PCDH11X: variants seen among roughly 807,000 people sequenced by gnomAD.
The protein encoded by PCDH11X is protocadherin-11 X-linked.
Under a neutral mutation model 53.3 loss-of-function variants are expected in PCDH11X, and 18 were observed. The observed-to-expected ratio is 0.34, with a 90% CI of 0.23 to 0.50. PCDH11X has a LOEUF of 0.50. Ranked by LOEUF, PCDH11X falls within the 20% of genes least tolerant of loss-of-function variation. The pLI, the probability that PCDH11X is intolerant of heterozygous loss-of-function variation, is 0.98. For synonymous variants in PCDH11X, 279 were observed against 393.3 expected (o/e 0.71, Z 3.44); for missense variants, 570 against 1,032.4 (o/e 0.55, Z 6.14).
At chrX:92,271,164 C>A (rs1265667514) in intron 8 of PCDH11X, among the ~76,000 whole-genome samples, 1 of 112,241 alleles carries the variant, frequency 8.9e-6, no homozygotes, top group Non-Finnish European at 1.9e-5. Context: ...TTCTCTTTTT[C>A]TTCCTGGTGC....
intron 6 of PCDH11X, among the ~76,000 whole-genome samples, chrX:92,192,141 G>T (rs1486787523): frequency 9.0e-6 from 1 of 110,888 alleles, no homozygotes; most frequent in East Asian, 2.8e-4. Context: ...TGAGCTTAAT[G>T]TTCTAATATT....
intron 6 of PCDH11X, among the ~76,000 whole-genome samples, chrX:92,064,937 A>G (rs1303821145): frequency 9.6e-6 from 1 of 104,178 alleles, no homozygotes; most frequent in Non-Finnish European, 1.9e-5. Flanking sequence ...CATCAGGGAC[A>G]TTGGGGGTGC....
At chrX:92,600,389 G>A (rs1926097706) in intron 10 of PCDH11X, among the ~76,000 whole-genome samples, 1 of 110,925 alleles carries the variant, frequency 9.0e-6, no homozygotes, top group African/African-American at 3.3e-5. Flanking sequence ...TTGGGACCTG[G>A]TGCCCTGCAT....
chrX:92,254,348 T>A (rs180997983), intron 7 of PCDH11X, among the ~76,000 whole-genome samples: 1 of 111,005 alleles, frequency 9.0e-6, no homozygotes, highest in East Asian at 2.9e-4. Flanking sequence ...GCACGTGAGA[T>A]GGGTTTCCTG....
intron 6 of PCDH11X, among the ~76,000 whole-genome samples, chrX:92,066,863 G>A (rs34235086): frequency 1.8e-5 from 2 of 112,213 alleles, no homozygotes; most frequent in East Asian, 2.8e-4. Context: ...CAGCACTTTG[G>A]GAGGCCAAGG....
At chrX:92,113,091 AT>A (rs199684013) in intron 6 of PCDH11X, among the ~76,000 whole-genome samples, 3,153 of 96,002 alleles carry the variant, frequency 0.033, 260 homozygotes, top group African/African-American at 0.11. Context: ...CTTTTTATCT[AT>A]TTTTTTTTTT....
intron 5 of PCDH11X, among the ~76,000 whole-genome samples, chrX:91,873,357 T>G (rs1011489336): frequency 1.8e-5 from 2 of 109,461 alleles, no homozygotes; most frequent in African/African-American, 6.6e-5. Flanking sequence ...TAAATTAATC[T>G]AATTCATTTA....
intron 8 of PCDH11X, among the ~76,000 whole-genome samples, chrX:92,305,223 G>T (rs2068799664): frequency 9.0e-6 from 1 of 110,733 alleles, no homozygotes; most frequent in African/African-American, 3.3e-5. Flanking sequence ...TAGTCTACAA[G>T]GACTGCCATA....
intron 10 of PCDH11X, among the ~76,000 whole-genome samples, chrX:92,502,974 G>A: frequency 9.3e-6 from 1 of 106,965 alleles, no homozygotes; most frequent in Middle Eastern, 4.8e-3. Flanking sequence ...TCTTAATGTA[G>A]CCACCTGACA....
chrX:92,280,482 A>T (rs1178940125), intron 8 of PCDH11X, among the ~76,000 whole-genome samples: 1 of 109,417 alleles, frequency 9.1e-6, no homozygotes, highest in African/African-American at 3.3e-5. Context: ...AGATTGTGCC[A>T]CTGAACTCCA....
At chrX:92,501,299 C>A (rs1383658817) in intron 10 of PCDH11X, among the ~76,000 whole-genome samples, 1 of 110,884 alleles carries the variant, frequency 9.0e-6, no homozygotes, top group East Asian at 2.9e-4. Context: ...ACCAGAAGTA[C>A]AAAGAAGAGC....
intron 8 of PCDH11X, among the ~76,000 whole-genome samples, chrX:92,362,985 T>A (rs899171226): frequency 1.8e-5 from 2 of 109,598 alleles, no homozygotes; most frequent in African/African-American, 6.6e-5. Flanking sequence ...AATTTTAGGT[T>A]CTCTAATCTA....
intron 6 of PCDH11X, chrX:91,879,906 G>A (rs1939814591): frequency 2.8e-6 from 2 of 711,951 alleles, no homozygotes; most frequent in African/African-American, 6.2e-5. Context: ...TCATCTTTAA[G>A]CCAGAGAATG....
At chrX:92,229,178 G>T (rs1326339396) in intron 7 of PCDH11X, among the ~76,000 whole-genome samples, 1 of 111,675 alleles carries the variant, frequency 9.0e-6, no homozygotes, top group Non-Finnish European at 1.9e-5. Context: ...TTAGAAATTG[G>T]TCTGACTTGG....
intron 8 of PCDH11X, among the ~76,000 whole-genome samples, chrX:92,363,872 G>A (rs1176195893): frequency 2.7e-5 from 3 of 110,849 alleles, no homozygotes; most frequent in African/African-American, 9.8e-5. Flanking sequence ...TCATAAAAGA[G>A]CATTGAAATT....
intron 6 of PCDH11X, among the ~76,000 whole-genome samples, chrX:92,192,863 C>T (rs958463613): frequency 9.0e-6 from 1 of 111,050 alleles, no homozygotes; most frequent in African/African-American, 3.3e-5. Flanking sequence ...CTCAGCCTCC[C>T]GAGTAACTGG....
chrX:91,927,480 T>C (rs1941984967), intron 6 of PCDH11X, among the ~76,000 whole-genome samples: 1 of 110,621 alleles, frequency 9.0e-6, no homozygotes, highest in Non-Finnish European at 1.9e-5. Flanking sequence ...AATCCAGCCT[T>C]TTAGCCTTTA....
intron 6 of PCDH11X, 163 bp from the exon 7 acceptor site, chrX:92,201,212 C>T (rs1333406788): frequency 6.5e-6 from 2 of 309,022 alleles, no homozygotes; most frequent in Admixed American, 9.4e-5. Context: ...TATTGTTAAC[C>T]CTCAATAACC....
intron 10 of PCDH11X, among the ~76,000 whole-genome samples, chrX:92,600,281 G>T: frequency 9.1e-6 from 1 of 110,232 alleles, no homozygotes; most frequent in South Asian, 3.8e-4. Context: ...ACATGTCAGA[G>T]GTCCTCATGG....
Sources: gnomAD v4.1 joint callset for allele counts (sites outside exome capture counted in the v4.1 genomes callset) on GRCh38, gnomAD v4.1.1 for gene constraint, MANE v1.5 for transcripts, NCBI Gene and HGNC (gene_info 2026-07-23, HGNC 2026-07-21) for gene names.